Variants in KCNQ1 observed in about 807,000 individuals in gnomAD.
KCNQ1 encodes the protein potassium voltage-gated channel subfamily Q member 1.
In KCNQ1, 49 loss-of-function variants were observed where a neutral mutation model predicts 72.4. The ratio of observed to expected loss-of-function variants is 0.68; its 90% CI spans 0.54 to 0.86. KCNQ1 has a LOEUF of 0.86. Among genes scored for constraint, KCNQ1 ranks in the 40% least tolerant of loss-of-function variants. The probability of loss-of-function intolerance (pLI) is 0.00; values close to 1 mark genes in which losing one functional copy is unlikely to be tolerated. For missense variants in KCNQ1, 790 were observed against 945.1 expected (o/e 0.84, Z 2.15); for synonymous variants, 450 against 412.6 (o/e 1.09, Z -1.10).
At chr11:2,510,701 C>T (rs955504361) in intron 1 of KCNQ1, among the ~76,000 whole-genome samples, 9 of 152,244 alleles carry the variant, frequency 5.9e-5, no homozygotes, top group African/African-American at 2.2e-4. Flanking sequence ...CCCTTCCTTC[C>T]AGCTGGTCTC....
rs1232901795 is a variant in KCNQ1 at position 2,769,796 on chromosome 11, G to A, written c.1590+877G>A. 6.6e-6 allele frequency among the ~76,000 whole-genome samples: 1 copy of A among 152,208 alleles called. No individual in the cohort carries two copies. Among genetic ancestry groups the A allele is most frequent in the Non-Finnish European group, 1.5e-5 (1 of 67,980 alleles). Reference sequence around the variant, plus strand: ...GTGCTTGAGTGAGTGCGTGTCTGCAGGAGCAGGGCAGGGTGGGGCTTCTGA... The same window carrying A: ...GTGCTTGAGTGAGTGCGTGTCTGCAAGAGCAGGGCAGGGTGGGGCTTCTGA... On this transcript the variant is annotated intron_variant, in intron 12 of 15. Coordinates refer to ENST00000155840, the MANE Select transcript of KCNQ1 (RefSeq NM_000218.3). The surrounding 1 kb of genome is among the most constrained non-coding windows in gnomAD (Gnocchi z 4.6).
intron 11 of KCNQ1, chr11:2,699,674 G>A (rs1850753494): frequency 5.6e-6 from 2 of 356,876 alleles, no homozygotes; most frequent in Non-Finnish European, 1.0e-5. Flanking sequence ...GGGGAGAACC[G>A]CGCCGAAAAG....
In KCNQ1 at chr11:2,769,003, C is replaced by T. The variant is rs543216929; in HGVS notation, c.1590+84C>T. On this transcript the variant is annotated intron_variant, in intron 12 of 15. Transcript: ENST00000155840. This position sits in a 1 kb window ranked among gnomAD's most constrained non-coding sequence, Gnocchi z 4.6. ...GCCCACACCTCTCCTGGGTTCTCTC[C>T]TGCCCATAGTGGAGGGTGTCAAGGC... The T allele has an allele frequency of 5.6e-5, 66 of 1,180,882 alleles. No homozygotes were observed. In the African/African-American group the frequency reaches 8.4e-4, roughly 15 times the overall value. 73.2% of individuals were successfully genotyped at this position (1,180,882 alleles called of 1,614,324 possible). A position where few individuals can be genotyped will look rare whatever the true frequency, so the allele number is the denominator to read the frequency against.
chr11:2,482,958 GTCTCT>G lies in KCNQ1; in HGVS notation c.386+37476_386+37480del, dbSNP rs2133614736. Reference sequence around the variant, plus strand: ...CATGGCGTGGTAATGCATGGTGCGTGTCTCTTAGCAGTAAGACCTTGAGAAGGAGC... The same window carrying G: ...CATGGCGTGGTAATGCATGGTGCGTGTAGCAGTAAGACCTTGAGAAGGAGC... On this transcript the variant is annotated intron_variant, in intron 1 of 15. Transcript: ENST00000155840. The surrounding 1 kb of genome is among the most constrained non-coding windows in gnomAD (Gnocchi z 5.7). Among the ~76,000 whole-genome samples, 1 of 152,300 alleles carries G rather than the reference GTCTCT, an allele frequency of 6.6e-6. No homozygotes were observed. Among genetic ancestry groups the G allele is most frequent in the East Asian group, 1.9e-4 (1 of 5,176 alleles).
chr11:2,724,316 C>T lies in KCNQ1; in HGVS notation c.1515-44528C>T, dbSNP rs776934566. On this transcript the variant is annotated intron_variant, in intron 11 of 15. Coordinates refer to ENST00000155840, the MANE Select transcript of KCNQ1 (RefSeq NM_000218.3). The surrounding 1 kb of genome is among the most constrained non-coding windows in gnomAD (Gnocchi z 6.8). ...AGAGCCCTCCCGCTCCACCAGGTGA[C>T]GGCCCTAAATCCTCAGGAGTGACAG... Among the ~76,000 whole-genome samples, 38 of 152,332 alleles carry T rather than the reference C, an allele frequency of 2.5e-4. 1 individual carries two copies. The highest frequency in any genetic ancestry group is 6.8e-3 in the Middle Eastern group (2 of 294).
chr11:2,482,975 C>T lies in KCNQ1; in HGVS notation c.386+37491C>T, dbSNP rs990906201. Among the ~76,000 whole-genome samples the T allele has an allele frequency of 3.3e-5, 5 of 152,110 alleles. No homozygotes were observed. The highest frequency in any genetic ancestry group is 5.9e-5 in the Non-Finnish European group (4 of 68,028). ...TGGTGCGTGTCTCTTAGCAGTAAGA[C>T]CTTGAGAAGGAGCCAGGCAGGGAGG... On this transcript the variant is annotated intron_variant, in intron 1 of 15. Coordinates refer to ENST00000155840, the MANE Select transcript of KCNQ1 (RefSeq NM_000218.3). The surrounding 1 kb of genome is among the most constrained non-coding windows in gnomAD (Gnocchi z 5.7).
rs1846468852 is a variant in KCNQ1, at chr11:2,471,756, ACT to A, written c.386+26273_386+26274del. 1.4e-5 allele frequency among the ~76,000 whole-genome samples: 2 copies of A among 145,170 alleles called. No individual in the cohort carries two copies. Among genetic ancestry groups the A allele is most frequent in the African/African-American group, 5.3e-5 (2 of 37,996 alleles). On this transcript the variant is annotated intron_variant, in intron 1 of 15. Coordinates refer to ENST00000155840, the MANE Select transcript of KCNQ1 (RefSeq NM_000218.3). The surrounding 1 kb of genome is among the most constrained non-coding windows in gnomAD (Gnocchi z 4.8). ...TGTATGTGTGCATGGGCGTGTGTGTACTTGTGTATGGGTGTGTGCATGTGATT... is the reference window on the plus strand; with the variant it reads ...TGTATGTGTGCATGGGCGTGTGTGTATGTGTATGGGTGTGTGCATGTGATT...
At chr11:2,684,505 C>T in intron 11 of KCNQ1, 1 of 398,652 alleles carries the variant, frequency 2.5e-6, no homozygotes, top group East Asian at 3.6e-5. Flanking sequence ...TCTATTCCTC[C>T]TATTCCACTG....
chr11:2,540,404 G>C (rs934852245), intron 2 of KCNQ1, among the ~76,000 whole-genome samples: 1 of 152,238 alleles, frequency 6.6e-6, no homozygotes, highest in Non-Finnish European at 1.5e-5. Flanking sequence ...GCCACGGCTC[G>C]AGCACCTCGG....
intron 1 of KCNQ1, among the ~76,000 whole-genome samples, chr11:2,512,572 G>C (rs1477461826): frequency 6.6e-6 from 1 of 152,248 alleles, no homozygotes; most frequent in Non-Finnish European, 1.5e-5. Context: ...GTGTCCCGCA[G>C]TGGCTTCCGG....
chr11:2,523,033 G>GGC (rs1211449728), intron 1 of KCNQ1, among the ~76,000 whole-genome samples: 26 of 152,124 alleles, frequency 1.7e-4, no homozygotes, highest in African/African-American at 5.8e-4. Flanking sequence ...ACAGGACATG[G>GGC]GCAGGAGAGG....
chr11:2,627,992 TC>T lies in KCNQ1; in HGVS notation c.1394-33967del, dbSNP rs1273247189. ...GTCTCAAACTCCTGTGTTCAAGCTA[TC>T]CTTCACCTTGGCCACCCCCAAGTAC... is the stretch of plus-strand genomic sequence containing the variant. On this transcript the variant is annotated intron_variant, in intron 10 of 15. Transcript: ENST00000155840. This position sits in a 1 kb window ranked among gnomAD's most constrained non-coding sequence, Gnocchi z 4.9. 2 of 398,518 alleles carry T rather than the reference TC, an allele frequency of 5.0e-6. No homozygotes were observed. Among genetic ancestry groups the T allele is most frequent in the Non-Finnish European group, 8.8e-6 (2 of 226,104 alleles). 24.7% of individuals were successfully genotyped at this position (398,518 alleles called of 1,614,324 possible). A position where few individuals can be genotyped will look rare whatever the true frequency, so the allele number is the denominator to read the frequency against.
At chr11:2,831,438 A>G (rs1022931498) in intron 15 of KCNQ1, among the ~76,000 whole-genome samples, 1 of 152,058 alleles carries the variant, frequency 6.6e-6, no homozygotes, top group Non-Finnish European at 1.5e-5. Flanking sequence ...TTCTGCCTCC[A>G]GGAAGCCCTC....
chr11:2,641,451 A>G (rs1849575791), intron 10 of KCNQ1: 1 of 397,926 alleles, frequency 2.5e-6, no homozygotes, highest in Non-Finnish European at 4.4e-6. Flanking sequence ...AGAAATATCT[A>G]TCCATGTCTT....
In KCNQ1 at chr11:2,720,762, C is replaced by A. The variant is rs1201053340; in HGVS notation, c.1515-48082C>A. ...CTACCTGTGGGGTTCATAGTGTGTCCCTCTCAGCCAATGGGAAGTCGTGCC... is the reference window on the plus strand; with the variant it reads ...CTACCTGTGGGGTTCATAGTGTGTCACTCTCAGCCAATGGGAAGTCGTGCC... On this transcript the variant is annotated intron_variant, in intron 11 of 15. Coordinates refer to ENST00000155840, the MANE Select transcript of KCNQ1 (RefSeq NM_000218.3). This position sits in a 1 kb window ranked among gnomAD's most constrained non-coding sequence, Gnocchi z 5.1. Among the ~76,000 whole-genome samples the A allele has an allele frequency of 1.3e-5, 2 of 152,096 alleles. No homozygotes were observed. Among genetic ancestry groups the A allele is most frequent in the Admixed American group, 1.3e-4 (2 of 15,276 alleles).
chr11:2,739,518 A>G (rs193111465), intron 11 of KCNQ1, among the ~76,000 whole-genome samples: 11 of 152,364 alleles, frequency 7.2e-5, no homozygotes, highest in Admixed American at 7.2e-4. Context: ...TTCGTAGAAC[A>G]ACATTACTCT....
chr11:2,619,026 A>G, intron 10 of KCNQ1: 2 of 398,424 alleles, frequency 5.0e-6, no homozygotes, highest in Non-Finnish European at 4.4e-6. Context: ...TTGATTTTAT[A>G]TCCTACAACT....
In KCNQ1 at chr11:2,678,162, TATA is replaced by T. The variant is rs1850326065; in HGVS notation, c.1514+16085_1514+16087del. 4 of 398,398 alleles carry T rather than the reference TATA, an allele frequency of 1.0e-5. No homozygotes were observed. The Admixed American group carries it at 1.3e-4, about 13-fold the overall frequency. 24.7% of individuals were successfully genotyped at this position (398,398 alleles called of 1,614,324 possible). ...TTTCCTTAGGTGTTTTGGCTTTTTC[TATA>T]ATATTTTTCTGGTGGCAGAATTTTT... On this transcript the variant is annotated intron_variant, in intron 11 of 15. Coordinates refer to ENST00000155840, the MANE Select transcript of KCNQ1 (RefSeq NM_000218.3). The surrounding 1 kb of genome is among the most constrained non-coding windows in gnomAD (Gnocchi z 4.9).
At position 2,768,693 on chromosome 11, in the gene KCNQ1, A is replaced by G; in HGVS notation, c.1515-151A>G. Reference sequence around the variant, plus strand: ...CCTCCCCTCGAGCCCACACTGGGACATGGCCTAAGTATCTCCATCCCATGG... The same window carrying G: ...CCTCCCCTCGAGCCCACACTGGGACGTGGCCTAAGTATCTCCATCCCATGG... On this transcript the variant is annotated intron_variant, in intron 11 of 15. Coordinates refer to ENST00000155840, the MANE Select transcript of KCNQ1 (RefSeq NM_000218.3). This position sits in a 1 kb window ranked among gnomAD's most constrained non-coding sequence, Gnocchi z 6.7. The G allele has an allele frequency of 2.8e-6, 2 of 710,132 alleles. No homozygotes were observed. Among genetic ancestry groups the G allele is most frequent in the Non-Finnish European group, 5.2e-6 (2 of 386,900 alleles). The allele number at this position is 710,132 out of a possible 1,614,324, so 44.0% of individuals were successfully genotyped here.
Sources: allele counts gnomAD v4.1 joint callset (sites outside exome capture counted in the v4.1 genomes callset), GRCh38; gene constraint gnomAD v4.1.1; non-coding constraint Gnocchi (gnomAD v3.1); transcripts MANE v1.5; gene names NCBI Gene and HGNC (gene_info 2026-07-23, HGNC 2026-07-21).